Variants in FAM193B observed in about 807,000 individuals in gnomAD.
FAM193B encodes the protein family with sequence similarity 193 member B.
Under a neutral mutation model 70.7 loss-of-function variants are expected in FAM193B, and 27 were observed. The observed-to-expected ratio is 0.38, with a 90% confidence interval of 0.28 to 0.53. The LOEUF (loss-of-function observed/expected upper bound fraction) is 0.53. Ranked by LOEUF, FAM193B falls within the 20% of genes least tolerant of loss-of-function variation. The pLI, the probability that FAM193B is intolerant of heterozygous loss-of-function variation, is 0.81. For synonymous variants in FAM193B, 448 were observed against 436.0 expected (o/e 1.03, Z -0.34); for missense variants, 1,022 against 1,072.5 (o/e 0.95, Z 0.66).
rs768030657 is a variant in FAM193B at position 177,536,387 on chromosome 5, C to T, written c.1047G>A (p.Pro349=). The T allele has an allele frequency of 4.3e-6, 7 of 1,609,210 alleles. No individual in the cohort carries two copies. The highest frequency in any genetic ancestry group is 2.2e-5 in the South Asian group (2 of 90,634). The change falls in exon 4 of 9, where the codon CCG becomes CCA. Residue 349 remains proline, a synonymous_variant. Transcript: ENST00000514747. ...GAGTGCTAGGGAGTGGCTGAGAGCT[C>T]GGGGGTGGGAGGAGAGGCCCACTGC... is the stretch of plus-strand genomic sequence containing the variant. ...GHCSGPLLPP[P]SSQPLPSTHR...
chr5:177,531,426 C>T (rs1367799713), intron 5 of FAM193B: 1 of 1,362,396 alleles, frequency 7.3e-7, no homozygotes, highest in Non-Finnish European at 9.8e-7. Context: ...CCAGGGTGCC[C>T]CCCTTCATGG....
At chr5:177,551,559 G>A (rs1732713494) in intron 1 of FAM193B, among the ~76,000 whole-genome samples, 1 of 152,172 alleles carries the variant, frequency 6.6e-6, no homozygotes, top group African/African-American at 2.4e-5. Context: ...ACTGCCTTGT[G>A]GAAAAGTGGA....
At chr5:177,554,204 A>T in intron 1 of FAM193B, 45 bp downstream of exon 1, 3 of 1,480,108 alleles carry the variant, frequency 2.0e-6, no homozygotes, top group Admixed American at 2.1e-5. Flanking sequence ...CGCTCGGGGA[A>T]GGTGAAAGCG....
chr5:177,545,066 T>C (rs902489757), intron 1 of FAM193B, among the ~76,000 whole-genome samples: 9 of 152,164 alleles, frequency 5.9e-5, no homozygotes, highest in Admixed American at 2.0e-4. Flanking sequence ...TTTTTTAAGA[T>C]GAAATCTCGC....
Position 177,521,754 on chromosome 5 carries a change from G to T in FAM193B, c.*1+220C>A, listed in dbSNP as rs538381271. 7.9e-5 allele frequency among the ~76,000 whole-genome samples: 12 copies of T among 152,346 alleles called. No individual in the cohort carries two copies. In the East Asian group the frequency reaches 2.3e-3, roughly 29 times the overall value. ...CAGCAGGGCCCAGGGAGGAGTAATA[G>T]AACAGAGGCCTACAGGTGAGTGGCT... is the stretch of plus-strand genomic sequence containing the variant. On this transcript the variant is annotated intron_variant, in intron 8 of 8. Coordinates refer to ENST00000514747, the MANE Select transcript of FAM193B (RefSeq NM_001190946.3).
chr5:177,538,051 C>A lies in FAM193B; in HGVS notation c.510G>T (p.Ser170=), dbSNP rs777556434. The A allele has an allele frequency of 5.2e-6, 8 of 1,552,696 alleles. No homozygotes were observed. In the Admixed American group the frequency reaches 5.9e-5, roughly 11 times the overall value. The change falls in exon 3 of 9, where the codon TCG becomes TCT. Residue 170 remains serine (S), a synonymous_variant. Coordinates refer to ENST00000514747, the MANE Select transcript of FAM193B (RefSeq NM_001190946.3). This position sits in a 1 kb window ranked among gnomAD's most constrained non-coding sequence, Gnocchi z 4.1. ...AGGATGATGAGGAGGAAGACGAGGACGAATGAGAGTCATCTCCACAAGACT... is the reference window on the plus strand; with the variant it reads ...AGGATGATGAGGAGGAAGACGAGGAAGAATGAGAGTCATCTCCACAAGACT... ...KSQSCGDDSH[S]SSSSSSSSSS...
intron 4 of FAM193B, among the ~76,000 whole-genome samples, chr5:177,533,533 C>G (rs1368870437): frequency 6.6e-6 from 1 of 152,174 alleles, no homozygotes; most frequent in Non-Finnish European, 1.5e-5. Context: ...TCTCGATCTC[C>G]TGACCTAGTT....
intron 5 of FAM193B, chr5:177,531,154 T>C (rs1763378714): frequency 9.8e-7 from 1 of 1,024,048 alleles, no homozygotes; most frequent in South Asian, 2.0e-5. Context: ...CATTCAGACC[T>C]TCCCAGAACA....
chr5:177,552,351 G>C (rs993678019), intron 1 of FAM193B, among the ~76,000 whole-genome samples: 11 of 152,336 alleles, frequency 7.2e-5, no homozygotes, highest in African/African-American at 2.6e-4. Flanking sequence ...GGTATGTAAA[G>C]TGCCTGGCAC....
intron 1 of FAM193B, among the ~76,000 whole-genome samples, chr5:177,551,747 T>A (rs945150560): frequency 6.6e-6 from 1 of 152,250 alleles, no homozygotes; most frequent in African/African-American, 2.4e-5. Flanking sequence ...CACCTTTGGA[T>A]TCAGTTTGGT....
intron 1 of FAM193B, among the ~76,000 whole-genome samples, chr5:177,550,154 T>TAA (rs111562933): frequency 0.031 from 4,664 of 149,318 alleles, 267 homozygotes; most frequent in African/African-American, 0.11. Flanking sequence ...ATCTCTAAAT[T>TAA]AAAAAAAAAA....
intron 1 of FAM193B, among the ~76,000 whole-genome samples, chr5:177,548,038 C>T (rs969533149): frequency 3.3e-5 from 5 of 152,220 alleles, no homozygotes; most frequent in Non-Finnish European, 7.3e-5. Flanking sequence ...CACATCCTGC[C>T]AAGAAGGACC....
At chr5:177,520,654 G>T (rs1049890012) in intron 8 of FAM193B, among the ~76,000 whole-genome samples, 9 of 152,234 alleles carry the variant, frequency 5.9e-5, no homozygotes, top group African/African-American at 2.2e-4. Flanking sequence ...TTGATTTCTT[G>T]AATGACAGAA....
In FAM193B at chr5:177,543,231, G is replaced by A. The variant is rs548531498; in HGVS notation, c.211-4084C>T. On this transcript the variant is annotated intron_variant, in intron 1 of 8. Coordinates refer to ENST00000514747, the MANE Select transcript of FAM193B (RefSeq NM_001190946.3). ...AGGATAGGTTGTCTTCCTAGTTAAA[G>A]CAAGAAACACAGGGCCTGAAAAGCT... 5.3e-5 allele frequency among the ~76,000 whole-genome samples: 8 copies of A among 152,252 alleles called. 1 individual carries two copies. In the South Asian group the frequency reaches 1.7e-3, roughly 32 times the overall value.
At position 177,532,781 on chromosome 5, in the gene FAM193B, C is replaced by T. The variant is rs1284561439; in HGVS notation, c.1077-140G>A. The T allele has an allele frequency of 2.8e-6, 2 of 706,572 alleles. No homozygotes were observed. Among genetic ancestry groups the T allele is most frequent in the South Asian group, 2.2e-5 (1 of 44,998 alleles). The allele number at this position is 706,572 out of a possible 1,614,324, so 43.8% of individuals were successfully genotyped here. A position where few individuals can be genotyped will look rare whatever the true frequency, so the allele number is the denominator to read the frequency against. ...TCCCAGGTGGTCCAACTACATTGCA[C>T]CTCTCACCTGAACAGGGCGAACACC... On this transcript the variant is annotated intron_variant, in intron 4 of 8. Coordinates refer to ENST00000514747, the MANE Select transcript of FAM193B (RefSeq NM_001190946.3). The surrounding 1 kb of genome is among the most constrained non-coding windows in gnomAD (Gnocchi z 4.9).
intron 5 of FAM193B, chr5:177,525,421 AG>A (rs1762431091): frequency 2.4e-6 from 1 of 412,660 alleles, no homozygotes; most frequent in African/African-American, 2.0e-5. Flanking sequence ...CACAGAGGGT[AG>A]GGTTTTTACA....
chr5:177,547,605 A>G (rs150238003), intron 1 of FAM193B, among the ~76,000 whole-genome samples: 41 of 152,242 alleles, frequency 2.7e-4, no homozygotes, highest in African/African-American at 9.1e-4. Flanking sequence ...TCTTGAAGCA[A>G]AGGACAGAAG....
At chr5:177,536,771 G>C in intron 3 of FAM193B, 26 bp from the exon 4 acceptor site, 1 of 1,544,986 alleles carries the variant, frequency 6.5e-7, no homozygotes, top group Non-Finnish European at 8.7e-7. Flanking sequence ...GGAGAAAGGG[G>C]TCAGAATGGG....
intron 4 of FAM193B, among the ~76,000 whole-genome samples, chr5:177,534,424 G>A (rs1763928675): frequency 6.6e-6 from 1 of 151,470 alleles, no homozygotes; most frequent in African/African-American, 2.4e-5. Flanking sequence ...AGCCTCCTGA[G>A]TAGCTGGGAC....
Sources: gnomAD v4.1 joint callset for allele counts (sites outside exome capture counted in the v4.1 genomes callset) on GRCh38, gnomAD v4.1.1 for gene constraint, Gnocchi (gnomAD v3.1) non-coding constraint, MANE v1.5 for transcripts, NCBI Gene and HGNC (gene_info 2026-07-23, HGNC 2026-07-21) for gene names.